Variants in LGI1 observed in about 807,000 individuals in gnomAD.
LGI1 encodes the protein leucine-rich glioma-inactivated protein 1.
In LGI1, 11 loss-of-function variants were observed where a neutral mutation model predicts 57.7. The observed-to-expected ratio is 0.19, with a 90% CI of 0.12 to 0.32. The LOEUF (loss-of-function observed/expected upper bound fraction) is 0.32, where lower values mean the gene tolerates loss of function less well. LGI1 is among the 10% of genes least tolerant of loss of function. The pLI is 1.00. For synonymous variants in LGI1, 222 were observed against 241.9 expected, an observed-to-expected ratio of 0.92 and a Z score of 0.76; for missense variants, 422 against 661.9, an observed-to-expected ratio of 0.64 and a Z score of 3.98.
rs2059585100 is a variant in LGI1 at position 93,758,255 on chromosome 10, A to G, written c.111A>G (p.Pro37=). 1 of 1,614,092 alleles carries G rather than the reference A, an allele frequency of 6.2e-7. No homozygotes were observed. The highest frequency in any genetic ancestry group is 1.1e-5 in the South Asian group (1 of 91,088). ...SALLLTEGKK[P]AKPKCPAVCT... ...TTTTGCTGACTGAGGGGAAGAAACCAGCGAAGCCAAAATGCCCTGCCGTGT... is the reference window on the plus strand; with the variant it reads ...TTTTGCTGACTGAGGGGAAGAAACCGGCGAAGCCAAAATGCCCTGCCGTGT... The change falls in exon 1 of 8, where the codon CCA becomes CCG. Residue 37 remains proline, a synonymous_variant. Coordinates refer to ENST00000371418, the MANE Select transcript of LGI1 (RefSeq NM_005097.4). This position sits in a 1 kb window ranked among gnomAD's most constrained non-coding sequence, Gnocchi z 4.7.
chr10:93,792,293 A>G, intron 5 of LGI1: 1 of 171,594 alleles, frequency 5.8e-6, no homozygotes. Flanking sequence ...GACTTAGTAT[A>G]AAAAAGGAAT....
rs1273325423 is a variant in LGI1, at chr10:93,780,225, CCTTT to C, written c.431+2612_431+2615del. On this transcript the variant is annotated intron_variant, in intron 4 of 7. Coordinates refer to ENST00000371418, the MANE Select transcript of LGI1 (RefSeq NM_005097.4). ...TCCTTCCATCCTTCATTCTTTCCTT[CCTTT>C]CTTCCTTCCTTCCTTCTTTTATTCC... 2.6e-5 allele frequency: 4 copies of C among 154,390 alleles called. No individual in the cohort carries two copies. In the East Asian group the frequency reaches 7.7e-4, roughly 30 times the overall value. The allele number at this position is 154,390 out of a possible 1,614,324, so 9.6% of individuals were successfully genotyped here.
At chr10:93,775,241 G>A (rs2059782205) in intron 2 of LGI1, among the ~76,000 whole-genome samples, 1 of 152,034 alleles carries the variant, frequency 6.6e-6, no homozygotes, top group Non-Finnish European at 1.5e-5. Context: ...ATTACTCCTT[G>A]CCTCCAAGGG....
chr10:93,770,291 T>G (rs2059721625), intron 2 of LGI1: 1 of 152,290 alleles, frequency 6.6e-6, no homozygotes. Flanking sequence ...CCTGATTCAC[T>G]CTTCAGTGTG....
chr10:93,769,539 T>G (rs1433278649), intron 2 of LGI1: 1 of 152,270 alleles, frequency 6.6e-6, no homozygotes, highest in Non-Finnish European at 1.5e-5. Context: ...ACTTAGCTAT[T>G]CCTTGGCAGA....
intron 2 of LGI1, chr10:93,759,360 T>C (rs1348450675): frequency 6.1e-6 from 1 of 163,374 alleles, no homozygotes; most frequent in Admixed American, 5.9e-5. Flanking sequence ...ACTAGTTCCA[T>C]TACAAGGAGG....
chr10:93,796,737 G>A (rs1412601455), intron 7 of LGI1, among the ~76,000 whole-genome samples: 1 of 152,200 alleles, frequency 6.6e-6, no homozygotes, highest in Non-Finnish European at 1.5e-5. Flanking sequence ...GCGCAGGCTA[G>A]ATATGACATT....
intron 2 of LGI1, among the ~76,000 whole-genome samples, chr10:93,759,528 A>T (rs2059601985): frequency 6.6e-6 from 1 of 152,222 alleles, no homozygotes; most frequent in South Asian, 2.1e-4. Context: ...ATAATGGAAC[A>T]CATAAAATTT....
At chr10:93,790,202 A>G in intron 5 of LGI1, 32 bp downstream of exon 5, 1 of 1,540,382 alleles carries the variant, frequency 6.5e-7, no homozygotes, top group African/African-American at 1.4e-5. Context: ...CTGAACAATT[A>G]ATTAATTTGC....
chr10:93,773,034 C>A (rs1006214495), intron 2 of LGI1: 1 of 151,356 alleles, frequency 6.6e-6, no homozygotes, highest in African/African-American at 2.4e-5. Flanking sequence ...AAGCCAAGAT[C>A]GCGCCACTGC....
At position 93,783,943 on chromosome 10, in the gene LGI1, C is replaced by T. The variant is rs188041970; in HGVS notation, c.432-6156C>T. On this transcript the variant is annotated intron_variant, in intron 4 of 7. Transcript: ENST00000371418. ...AGGAGAATTGCTCGAACCAGGGAGGCGGAAGTTGCAGTGAGCCGAGATAGC... is the reference window on the plus strand; with the variant it reads ...AGGAGAATTGCTCGAACCAGGGAGGTGGAAGTTGCAGTGAGCCGAGATAGC... Among the ~76,000 whole-genome samples, 299 of 152,122 alleles carry T rather than the reference C, an allele frequency of 2.0e-3. 2 individuals carry two copies. The highest frequency in any genetic ancestry group is 6.8e-3 in the African/African-American group (281 of 41,490).
At position 93,758,448 on chromosome 10, in the gene LGI1, C is replaced by T. The variant is rs2059587902; in HGVS notation, c.215+89C>T. On this transcript the variant is annotated intron_variant, in intron 1 of 7. Coordinates refer to ENST00000371418, the MANE Select transcript of LGI1 (RefSeq NM_005097.4). This position sits in a 1 kb window ranked among gnomAD's most constrained non-coding sequence, Gnocchi z 4.7. The stretch of plus-strand genomic sequence containing the variant: ...GGCTTTGCATGTATTTGTAGAAGGG[C>T]ATGGAGAGAGAGATTCCTCTTGCAT... The T allele has an allele frequency of 1.6e-6, 2 of 1,240,872 alleles. No homozygotes were observed. The highest frequency in any genetic ancestry group is 1.7e-5 in the Admixed American group (1 of 59,306). 76.9% of individuals were successfully genotyped at this position (1,240,872 alleles called of 1,614,324 possible).
At chr10:93,790,558 A>C (rs1339747505) in intron 5 of LGI1, 1 of 206,116 alleles carries the variant, frequency 4.9e-6, no homozygotes, top group Non-Finnish European at 9.7e-6. Flanking sequence ...GACAGAATAA[A>C]GATGAAAGGT....
rs2059583625 is a variant in LGI1 at position 93,758,148 on chromosome 10, G to T, written c.4G>T (p.Glu2Ter). Residue 2 changes from glutamate (E) to a stop codon, truncating the protein, a stop_gained, in exon 1 of 8, where the codon GAA becomes TAA. Coordinates refer to ENST00000371418, the MANE Select transcript of LGI1 (RefSeq NM_005097.4). LOFTEE classifies it high-confidence loss of function. The surrounding 1 kb of genome is among the most constrained non-coding windows in gnomAD (Gnocchi z 4.7). ...TTGGGGATATTTTCTCGACTGCATG[G>T]AATCAGAAAGAAGCAAAAGGATGGG... M[E>*]SERSKRMGNA... 6.2e-7 allele frequency: 1 copy of T among 1,614,038 alleles called. No individual in the cohort carries two copies. The highest frequency in any genetic ancestry group is 8.5e-7 in the Non-Finnish European group (1 of 1,179,936).
At chr10:93,773,732 G>C (rs2059763737) in intron 2 of LGI1, among the ~76,000 whole-genome samples, 1 of 152,076 alleles carries the variant, frequency 6.6e-6, no homozygotes, top group African/African-American at 2.4e-5. Context: ...GGTGTAGACA[G>C]ATCAGGCACA....
At chr10:93,784,060 T>C (rs2059874624) in intron 4 of LGI1, among the ~76,000 whole-genome samples, 1 of 152,220 alleles carries the variant, frequency 6.6e-6, no homozygotes, top group Non-Finnish European at 1.5e-5. Flanking sequence ...GAGGGCTTAC[T>C]TTGTGCCAGG....
At chr10:93,787,509 C>A (rs2059900756) in intron 4 of LGI1, among the ~76,000 whole-genome samples, 1 of 152,204 alleles carries the variant, frequency 6.6e-6, no homozygotes, top group East Asian at 1.9e-4. Context: ...AAGTCTGCAG[C>A]TCTGTTTTGC....
At chr10:93,759,655 C>T (rs1028561447) in intron 2 of LGI1, among the ~76,000 whole-genome samples, 5 of 152,158 alleles carry the variant, frequency 3.3e-5, no homozygotes, top group Admixed American at 6.5e-5. Context: ...TGTAGCTGGA[C>T]GGATATGGGC....
chr10:93,785,358 T>C (rs1340904928), intron 4 of LGI1, among the ~76,000 whole-genome samples: 1 of 152,232 alleles, frequency 6.6e-6, no homozygotes, highest in Non-Finnish European at 1.5e-5. Context: ...CAAAGATATG[T>C]ATATAAAAAT....
Sources: gnomAD v4.1 joint callset for allele counts (sites outside exome capture counted in the v4.1 genomes callset) on GRCh38, gnomAD v4.1.1 for gene constraint, Gnocchi (gnomAD v3.1) non-coding constraint, MANE v1.5 for transcripts, NCBI Gene and HGNC (gene_info 2026-07-23, HGNC 2026-07-21) for gene names.